Variants in SYN3 observed in about 807,000 individuals in gnomAD.
SYN3 encodes synapsin-3.
In SYN3, 35 loss-of-function variants were observed where a neutral mutation model predicts 65.8. The observed-to-expected ratio is 0.53, with a 90% CI of 0.41 to 0.70. The LOEUF is 0.70. Among genes scored for constraint, SYN3 ranks in the 30% least tolerant of loss-of-function variants. SYN3 has a pLI of 0.00. For synonymous variants in SYN3, 270 were observed against 292.9 expected (o/e 0.92, Z 0.80); for missense variants, 680 against 749.0 (o/e 0.91, Z 1.08).
At chr22:32,861,437 G>A (rs2048535217) in intron 6 of SYN3, 1 of 152,248 alleles carries the variant, frequency 6.6e-6, no homozygotes, top group African/African-American at 2.4e-5. Flanking sequence ...GATGAGCCCA[G>A]ACTTGATGTT....
chr22:32,760,402 C>T (rs1046172084), intron 6 of SYN3, among the ~76,000 whole-genome samples: 3 of 152,062 alleles, frequency 2.0e-5, no homozygotes, highest in Non-Finnish European at 2.9e-5. Flanking sequence ...TGCTAAATCT[C>T]GTTCTCGAAG....
At chr22:33,005,474 A>T (rs2053172780) in intron 2 of SYN3, among the ~76,000 whole-genome samples, 2 of 152,218 alleles carry the variant, frequency 1.3e-5, no homozygotes, top group African/African-American at 4.8e-5. Context: ...GCTCCACATA[A>T]GCAGGAGCCT....
chr22:32,778,381 C>T (rs532261768), intron 6 of SYN3, among the ~76,000 whole-genome samples: 17 of 152,254 alleles, frequency 1.1e-4, no homozygotes, highest in East Asian at 9.6e-4. Flanking sequence ...CTCCGACTTC[C>T]GAGTTCAAGC....
chr22:33,034,026 A>G (rs1366854415), intron 1 of SYN3, among the ~76,000 whole-genome samples: 1 of 151,708 alleles, frequency 6.6e-6, no homozygotes, highest in Non-Finnish European at 1.5e-5. Context: ...TCTCTACTAG[A>G]AGTACAAAAA....
chr22:32,992,658 C>T (rs2052754065), intron 2 of SYN3, among the ~76,000 whole-genome samples: 1 of 152,072 alleles, frequency 6.6e-6, no homozygotes, highest in South Asian at 2.1e-4. Flanking sequence ...ACTAAAAATA[C>T]AAAACTTAGC....
intron 3 of SYN3, among the ~76,000 whole-genome samples, chr22:32,958,817 T>C (rs1022322071): frequency 6.6e-6 from 1 of 152,078 alleles, no homozygotes; most frequent in Non-Finnish European, 1.5e-5. Context: ...GTCCCTGCTT[T>C]TGACTGTTTC....
intron 6 of SYN3, among the ~76,000 whole-genome samples, chr22:32,640,852 G>A (rs2059886685): frequency 2.0e-5 from 3 of 152,124 alleles, no homozygotes; most frequent in Middle Eastern, 3.4e-3. Flanking sequence ...GGGCGACAGA[G>A]CAAGACTCTG....
intron 1 of SYN3, among the ~76,000 whole-genome samples, chr22:33,055,749 T>C (rs917632158): frequency 4.6e-5 from 7 of 152,234 alleles, no homozygotes; most frequent in Non-Finnish European, 8.8e-5. Context: ...GAGCCTGTTA[T>C]TCTCTATCAC....
chr22:32,561,011 G>A (rs2058579091), intron 7 of SYN3, among the ~76,000 whole-genome samples: 1 of 152,176 alleles, frequency 6.6e-6, no homozygotes, highest in Non-Finnish European at 1.5e-5. Flanking sequence ...CATTTTGAAG[G>A]CGGATCCCGG....
intron 3 of SYN3, among the ~76,000 whole-genome samples, chr22:32,939,140 T>C (rs1221067529): frequency 6.6e-6 from 1 of 152,116 alleles, no homozygotes; most frequent in African/African-American, 2.4e-5. Flanking sequence ...TTTAAAAATA[T>C]CCTATAAAAG....
At chr22:32,813,486 TACACACACACACACACACACACACACAC>T (rs130277) in intron 6 of SYN3, among the ~76,000 whole-genome samples, 1 of 138,186 alleles carries the variant, frequency 7.2e-6, no homozygotes, top group Non-Finnish European at 1.6e-5. Flanking sequence ...TCTGAAAAGA[TACACACACACACACACACACACACACAC>T]ACACACACAC....
chr22:32,642,127 T>G (rs1343445978), intron 6 of SYN3, among the ~76,000 whole-genome samples: 5 of 151,772 alleles, frequency 3.3e-5, no homozygotes, highest in Non-Finnish European at 7.4e-5. Flanking sequence ...CTGTCTCTAC[T>G]AAAAATACAA....
At chr22:32,998,162 A>T (rs1260688231) in intron 2 of SYN3, among the ~76,000 whole-genome samples, 1 of 152,122 alleles carries the variant, frequency 6.6e-6, no homozygotes, top group Non-Finnish European at 1.5e-5. Flanking sequence ...CGTACCTATT[A>T]TCTGCCCTGT....
chr22:33,017,124 C>T (rs369763162), intron 1 of SYN3, among the ~76,000 whole-genome samples: 7 of 152,154 alleles, frequency 4.6e-5, no homozygotes, highest in East Asian at 3.8e-4. Context: ...CCTCTGCCTA[C>T]GGATATCCAA....
chr22:32,558,099 G>A (rs1007959092), intron 7 of SYN3, among the ~76,000 whole-genome samples: 2 of 152,172 alleles, frequency 1.3e-5, no homozygotes, highest in Non-Finnish European at 2.9e-5. Context: ...GCTTAGCACA[G>A]CACCTAGCAC....
At chr22:32,741,604 C>T (rs1216114229) in intron 6 of SYN3, among the ~76,000 whole-genome samples, 2 of 151,986 alleles carry the variant, frequency 1.3e-5, no homozygotes, top group East Asian at 3.9e-4. Flanking sequence ...ATCCGCCTGC[C>T]TCGGCCTCCC....
At chr22:32,802,189 G>T in intron 6 of SYN3, 2 of 1,527,178 alleles carry the variant, frequency 1.3e-6, no homozygotes, top group Non-Finnish European at 1.8e-6. Context: ...GCTTAGGGAG[G>T]CAGGGCGAGC....
chr22:32,646,346 C>T (rs1040742923), intron 6 of SYN3, among the ~76,000 whole-genome samples: 1 of 152,072 alleles, frequency 6.6e-6, no homozygotes, highest in Non-Finnish European at 1.5e-5. Context: ...GGAGGGAACC[C>T]CAAACTGACT....
chr22:32,532,848 A>G (rs1264016391), intron 10 of SYN3, among the ~76,000 whole-genome samples: 2 of 151,374 alleles, frequency 1.3e-5, no homozygotes, highest in African/African-American at 4.8e-5. Flanking sequence ...TTGTGTCAGC[A>G]CCGCCCATGG....
Sources: gnomAD v4.1 joint callset for allele counts (sites outside exome capture counted in the v4.1 genomes callset) on GRCh38, gnomAD v4.1.1 for gene constraint, MANE v1.5 for transcripts, NCBI Gene and HGNC (gene_info 2026-07-23, HGNC 2026-07-21) for gene names.